FNBP4: variants seen among roughly 807,000 people sequenced by gnomAD.
FNBP4 encodes formin binding protein 4, also known as formin-binding protein 4.
FNBP4 carries 34 observed loss-of-function variants against 119.3 expected under a neutral mutation model. The ratio of observed to expected loss-of-function variants is 0.28; its 90% CI spans 0.22 to 0.38. The LOEUF is 0.38. FNBP4 is among the 10% of genes least tolerant of loss of function. The probability of loss-of-function intolerance (pLI) is 1.00; values close to 1 mark genes in which losing one functional copy is unlikely to be tolerated. For synonymous variants in FNBP4, 462 were observed against 430.6 expected (o/e 1.07, Z -0.90); for missense variants, 1,112 against 1,228.9 (o/e 0.90, Z 1.42).
chr11:47,731,828 T>A, intron 11 of FNBP4: 1 of 1,139,288 alleles, frequency 8.8e-7, no homozygotes, highest in East Asian at 4.6e-5. Flanking sequence ...CTTTTCTCTT[T>A]TTTTGTGATT....
chr11:47,743,650 A>C (rs1195430580), intron 8 of FNBP4, among the ~76,000 whole-genome samples: 3 of 152,194 alleles, frequency 2.0e-5, no homozygotes, highest in Non-Finnish European at 4.4e-5. Context: ...TTGGGTCCTC[A>C]TGACACAATC....
chr11:47,754,618 GTCA>G lies in FNBP4; in HGVS notation c.357_359del (p.Asp120del). ...GTGCTAGTTTTTCGGAAACATCATT[GTCA>G]TCGTCATCACTGTCAGCATAAGCAC... On this transcript the variant is annotated inframe_deletion, in exon 3 of 17. Coordinates refer to ENST00000263773, the MANE Select transcript of FNBP4 (RefSeq NM_015308.5). 1 of 1,614,090 alleles carries G rather than the reference GTCA, an allele frequency of 6.2e-7. No individual in the cohort carries two copies.
In FNBP4 at chr11:47,732,431, C is replaced by T; in HGVS notation, c.1820+106G>A. ...GCCTGCCCAGCACCGCTAACTGCAG[C>T]TGCTCTCAGTCTCCAGACAGGCTGT... is the stretch of plus-strand genomic sequence containing the variant. On this transcript the variant is annotated intron_variant, in intron 11 of 16. Transcript: ENST00000263773. This position sits in a 1 kb window ranked among gnomAD's most constrained non-coding sequence, Gnocchi z 4.2. 3 of 1,564,224 alleles carry T rather than the reference C, an allele frequency of 1.9e-6. No individual in the cohort carries two copies. Among genetic ancestry groups the T allele is most frequent in the Admixed American group, 1.8e-5 (1 of 54,498 alleles).
intron 15 of FNBP4, among the ~76,000 whole-genome samples, chr11:47,720,556 A>T: frequency 6.7e-6 from 1 of 149,844 alleles, no homozygotes. Flanking sequence ...ACAGAGGGAG[A>T]CTCCGTCTCA....
intron 12 of FNBP4, 97 bp downstream of exon 12, chr11:47,731,277 A>T (rs989425612): frequency 1.7e-6 from 2 of 1,195,914 alleles, no homozygotes; most frequent in Non-Finnish European, 2.3e-6. Context: ...TCAGAAGCTT[A>T]TATTATTATG....
Position 47,752,897 on chromosome 11 carries a change from A to G in FNBP4, c.637+19T>C. 1 of 1,588,448 alleles carries G rather than the reference A, an allele frequency of 6.3e-7. No homozygotes were observed. Among genetic ancestry groups the G allele is most frequent in the Non-Finnish European group, 8.6e-7 (1 of 1,167,206 alleles). On this transcript the variant is annotated intron_variant, in intron 4 of 16. Coordinates refer to ENST00000263773, the MANE Select transcript of FNBP4 (RefSeq NM_015308.5). ...TTAAGGATTTTACTTTTCTTTAAAAATCAAAGGATCAAGTTTACCTCCTGC... is the reference window on the plus strand; with the variant it reads ...TTAAGGATTTTACTTTTCTTTAAAAGTCAAAGGATCAAGTTTACCTCCTGC...
chr11:47,754,454 G>A lies in FNBP4; in HGVS notation c.450+74C>T, dbSNP rs1187473267. 2.7e-6 allele frequency: 4 copies of A among 1,477,318 alleles called. No homozygotes were observed. In the East Asian group the frequency reaches 9.1e-5, roughly 34 times the overall value. The allele number at this position is 1,477,318 out of a possible 1,614,324, so 91.5% of individuals were successfully genotyped here. A position where few individuals can be genotyped will look rare whatever the true frequency, so the allele number is the denominator to read the frequency against. On this transcript the variant is annotated intron_variant, in intron 3 of 16. Coordinates refer to ENST00000263773, the MANE Select transcript of FNBP4 (RefSeq NM_015308.5). Reference sequence around the variant, plus strand: ...GAGGAGGAAGACATTGAACTGACAAGTACGCTGACCACTTAAGATCCAGGT... The same window carrying A: ...GAGGAGGAAGACATTGAACTGACAAATACGCTGACCACTTAAGATCCAGGT...
intron 8 of FNBP4, among the ~76,000 whole-genome samples, chr11:47,741,931 G>T (rs530882298): frequency 2.0e-5 from 3 of 152,028 alleles, no homozygotes; most frequent in African/African-American, 7.2e-5. Context: ...TTTTTTTAGT[G>T]AAACATGGAC....
At chr11:47,740,198 T>G (rs1348569020) in intron 8 of FNBP4, among the ~76,000 whole-genome samples, 1 of 151,870 alleles carries the variant, frequency 6.6e-6, no homozygotes, top group Non-Finnish European at 1.5e-5. Context: ...GCGGATCACC[T>G]GAGGTCGGGA....
In FNBP4 at chr11:47,732,473, G is replaced by A. The variant is rs1189335811; in HGVS notation, c.1820+64C>T. On this transcript the variant is annotated intron_variant, in intron 11 of 16. Transcript: ENST00000263773. This position sits in a 1 kb window ranked among gnomAD's most constrained non-coding sequence, Gnocchi z 4.2. ...ACAGGCTGTCATGTCGTCAGATGGT[G>A]GTGATCACAAATCATGTCTGAGATG... is the stretch of plus-strand genomic sequence containing the variant. 3 of 1,606,400 alleles carry A rather than the reference G, an allele frequency of 1.9e-6. No individual in the cohort carries two copies. The highest frequency in any genetic ancestry group is 1.7e-5 in the Admixed American group (1 of 59,690).
In FNBP4 at chr11:47,734,042, G is replaced by A; in HGVS notation, c.1669C>T (p.Leu557=). 6.6e-7 allele frequency: 1 copy of A among 1,526,056 alleles called. No individual in the cohort carries two copies. 94.5% of individuals were successfully genotyped at this position (1,526,056 alleles called of 1,614,324 possible). A position where few individuals can be genotyped will look rare whatever the true frequency, so the allele number is the denominator to read the frequency against. The change falls in exon 10 of 17, where the codon CTG becomes TTG. Residue 557 remains leucine, a synonymous_variant. Coordinates refer to ENST00000263773, the MANE Select transcript of FNBP4 (RefSeq NM_015308.5). The part of the protein sequence containing the change: ...NRQSISNFHV[L]LLQTETRIAD... ...AGACTTACCTCAGTCTGTAAGAGCA[G>A]CACATGAAAGTTGGAGATGGATTGT... is the stretch of plus-strand genomic sequence containing the variant.
chr11:47,730,083 G>C, intron 12 of FNBP4: 1 of 985,366 alleles, frequency 1.0e-6, no homozygotes, highest in Non-Finnish European at 1.2e-6. Context: ...ATTCAGAATT[G>C]GTAACAGTGG....
At chr11:47,757,884 A>G (rs1006240458) in intron 2 of FNBP4, among the ~76,000 whole-genome samples, 1 of 152,216 alleles carries the variant, frequency 6.6e-6, no homozygotes, top group African/African-American at 2.4e-5. Context: ...GCAGTGGATC[A>G]CTACATCCTC....
intron 16 of FNBP4, 76 bp from the exon 17 acceptor site, chr11:47,717,588 T>C (rs1179143081): frequency 1.6e-5 from 18 of 1,134,742 alleles, no homozygotes; most frequent in South Asian, 1.6e-4. Context: ...CAAATAAAAA[T>C]CTAACTGAAA....
rs1423730794 is a variant in FNBP4 at position 47,717,124 on chromosome 11, TA to T, written c.*297del. On this transcript the variant is annotated 3_prime_UTR_variant, in exon 17 of 17. Coordinates refer to ENST00000263773, the MANE Select transcript of FNBP4 (RefSeq NM_015308.5). ...CAGGGAGTCCTCTACAGAAGTGTTA[TA>T]CTCATGAGCCACATGTTCTTCAAGA... 2 of 249,066 alleles carry T rather than the reference TA, an allele frequency of 8.0e-6. No homozygotes were observed. Among genetic ancestry groups the T allele is most frequent in the Non-Finnish European group, 1.5e-5 (2 of 129,954 alleles). The allele number at this position is 249,066 out of a possible 1,614,324, so 15.4% of individuals were successfully genotyped here. A position where few individuals can be genotyped will look rare whatever the true frequency, so the allele number is the denominator to read the frequency against.
intron 2 of FNBP4, among the ~76,000 whole-genome samples, chr11:47,756,524 T>G (rs2097618624): frequency 6.6e-6 from 1 of 152,090 alleles, no homozygotes; most frequent in Non-Finnish European, 1.5e-5. Context: ...CATTTTTTTC[T>G]TTCTGTATGT....
rs766563479 is a variant in FNBP4 at position 47,724,137 on chromosome 11, GGAA to G, written c.2352_2354del (p.Ser785del). 5.3e-5 allele frequency: 85 copies of G among 1,614,044 alleles called. No individual in the cohort carries two copies. The highest frequency in any genetic ancestry group is 6.6e-5 in the South Asian group (6 of 91,086). On this transcript the variant is annotated inframe_deletion, in exon 14 of 17. Coordinates refer to ENST00000263773, the MANE Select transcript of FNBP4 (RefSeq NM_015308.5). ...TAGCTTTCCTCTTTATTCCTTTAGT[GGAA>G]GAAGAACTAGAGATGGTGGAATCAA...
intron 4 of FNBP4, among the ~76,000 whole-genome samples, chr11:47,752,427 A>T (rs200387161): frequency 1.2e-4 from 1 of 8,424 alleles, no homozygotes; most frequent in South Asian, 0.12. Flanking sequence ...CTCAGTCTCA[A>T]AAAAAAAAAA....
chr11:47,752,878 ATTTTACTT>A (rs1554986276), intron 4 of FNBP4, 30 bp downstream of exon 4: 5 of 1,550,728 alleles, frequency 3.2e-6, no homozygotes, highest in Middle Eastern at 1.7e-4. Context: ...CCCTTTAAGG[ATTTTACTT>A]TTCTTTAAAA....
Sources: allele counts gnomAD v4.1 joint callset (sites outside exome capture counted in the v4.1 genomes callset), GRCh38; gene constraint gnomAD v4.1.1; non-coding constraint Gnocchi (gnomAD v3.1); transcripts MANE v1.5; gene names NCBI Gene and HGNC (gene_info 2026-07-23, HGNC 2026-07-21).